The following KLF12 variants were observed in gnomAD, a reference collection of about 807,000 sequenced individuals.
The protein encoded by KLF12 is KLF transcription factor 12, also known as Krueppel-like factor 12.
KLF12 carries 9 observed loss-of-function variants against 37.8 expected under a neutral mutation model. The ratio of observed to expected loss-of-function variants is 0.24; its 90% CI spans 0.14 to 0.42. The LOEUF (loss-of-function observed/expected upper bound fraction) is 0.42. Ranked by LOEUF, KLF12 falls within the 10% of genes least tolerant of loss-of-function variation. The probability of loss-of-function intolerance (pLI) is 1.00; values close to 1 mark genes in which losing one functional copy is unlikely to be tolerated. For synonymous variants in KLF12, 208 were observed against 202.1 expected (o/e 1.03, Z -0.25); for missense variants, 411 against 516.0 (o/e 0.80, Z 1.97).
At chr13:73,709,358 G>A (rs968611625) in intron 7 of KLF12, among the ~76,000 whole-genome samples, 5 of 152,060 alleles carry the variant, frequency 3.3e-5, no homozygotes, top group African/African-American at 9.7e-5. Context: ...CATGGCTCTC[G>A]TAAGTCAACT....
At chr13:73,845,772 A>G (rs1884976899) in intron 4 of KLF12, 55 bp downstream of exon 4, 1 of 1,524,154 alleles carries the variant, frequency 6.6e-7, no homozygotes, top group African/African-American at 1.4e-5. Flanking sequence ...GTTCACTGCA[A>G]AAATGAAGTC....
chr13:73,926,535 G>C (rs558602140), intron 3 of KLF12, among the ~76,000 whole-genome samples: 1 of 151,810 alleles, frequency 6.6e-6, no homozygotes, highest in African/African-American at 2.4e-5. Flanking sequence ...TGCAATATTT[G>C]CTTTATTGTG....
the KLF12 span, among the ~76,000 whole-genome samples, chr13:74,288,741 C>G: frequency 6.6e-6 from 1 of 152,156 alleles, no homozygotes; most frequent in African/African-American, 2.4e-5. Flanking sequence ...GGGATTTTGG[C>G]AGCTACCCAG....
intron 3 of KLF12, among the ~76,000 whole-genome samples, chr13:73,894,688 T>C (rs1887676049): frequency 1.3e-5 from 2 of 152,212 alleles, no homozygotes; most frequent in African/African-American, 2.4e-5. Flanking sequence ...ACACACTGAA[T>C]AGGCTTTTCT....
At chr13:74,125,199 T>TA (rs889095342) in intron 1 of KLF12, among the ~76,000 whole-genome samples, 4 of 151,548 alleles carry the variant, frequency 2.6e-5, no homozygotes, top group Non-Finnish European at 5.9e-5. Flanking sequence ...AGTTTATATT[T>TA]AAAAAACACA....
At chr13:73,871,654 C>T (rs923060302) in intron 3 of KLF12, among the ~76,000 whole-genome samples, 1 of 152,170 alleles carries the variant, frequency 6.6e-6, no homozygotes, top group African/African-American at 2.4e-5. Context: ...ACACAATTTT[C>T]TCCCAACCAC....
chr13:74,137,008 A>T (rs1036820412), upstream of KLF12, among the ~76,000 whole-genome samples: 2 of 152,154 alleles, frequency 1.3e-5, no homozygotes, highest in African/African-American at 4.8e-5. Context: ...GATAACGGAG[A>T]TCACTAGAGG....
intron 5 of KLF12, among the ~76,000 whole-genome samples, chr13:73,797,350 A>T (rs1233705958): frequency 6.6e-6 from 1 of 152,176 alleles, no homozygotes; most frequent in African/African-American, 2.4e-5. Context: ...TCAAAGGCAT[A>T]GCCATTCCTT....
the KLF12 span, among the ~76,000 whole-genome samples, chr13:74,154,720 G>A: frequency 1.3e-5 from 2 of 152,174 alleles, no homozygotes; most frequent in Admixed American, 6.5e-5. Context: ...CCATCACTGG[G>A]CCATGACAGA....
chr13:74,303,328 T>C, the KLF12 span, among the ~76,000 whole-genome samples: 1 of 152,160 alleles, frequency 6.6e-6, no homozygotes, highest in Non-Finnish European at 1.5e-5. Flanking sequence ...TGAATTCCTG[T>C]CTTTCCTATT....
intron 4 of KLF12, among the ~76,000 whole-genome samples, chr13:73,818,554 C>T (rs920534522): frequency 2.0e-5 from 3 of 152,268 alleles, no homozygotes; most frequent in Non-Finnish European, 4.4e-5. Context: ...ACCAAACACT[C>T]TTCTAACTTC....
intron 1 of KLF12, among the ~76,000 whole-genome samples, chr13:74,115,337 A>G (rs1220327043): frequency 8.5e-5 from 13 of 152,154 alleles, no homozygotes; most frequent in Admixed American, 7.9e-4. Context: ...CTGATGACTA[A>G]CAACAGAAAT....
rs529523438 is a variant in KLF12 at position 73,742,701 on chromosome 13, A to T, written c.869+22237T>A. Among the ~76,000 whole-genome samples, 6 of 152,282 alleles carry T rather than the reference A, an allele frequency of 3.9e-5. No individual in the cohort carries two copies. The South Asian group carries it at 8.3e-4, about 21-fold the overall frequency. ...CCCATTTTACAGATGAGTAAAATAG[A>T]GTTTAGGCAGATTAAGTAGATTAAG... On this transcript the variant is annotated intron_variant, in intron 6 of 7. Coordinates refer to ENST00000377669, the MANE Select transcript of KLF12 (RefSeq NM_007249.5).
chr13:73,765,857 G>T (rs1176806630), intron 5 of KLF12, among the ~76,000 whole-genome samples: 1 of 152,050 alleles, frequency 6.6e-6, no homozygotes. Context: ...CACCCTTTAT[G>T]CTTCATACAT....
the KLF12 span, among the ~76,000 whole-genome samples, chr13:74,202,397 G>T: frequency 1.3e-5 from 2 of 152,098 alleles, no homozygotes; most frequent in African/African-American, 4.8e-5. Flanking sequence ...CCATAAACCT[G>T]CAAACAAACT....
At chr13:74,287,144 CCT>C in the KLF12 span, among the ~76,000 whole-genome samples, 1 of 152,138 alleles carries the variant, frequency 6.6e-6, no homozygotes, top group African/African-American at 2.4e-5. Context: ...TTTCCATCAG[CCT>C]ACCTCTTCCT....
intron 1 of KLF12, among the ~76,000 whole-genome samples, chr13:74,061,381 A>G (rs1230275693): frequency 9.2e-5 from 14 of 152,206 alleles, no homozygotes; most frequent in Admixed American, 9.2e-4. Flanking sequence ...AGAAACTTCT[A>G]AGTTCCAAAG....
At chr13:73,995,197 T>G in intron 1 of KLF12, 144 bp from the exon 2 acceptor site, 3 of 602,908 alleles carry the variant, frequency 5.0e-6, no homozygotes, top group African/African-American at 1.9e-5. Context: ...TCTTCAGCTA[T>G]GTGTTGTTGG....
intron 1 of KLF12, among the ~76,000 whole-genome samples, chr13:74,119,429 A>G (rs552353283): frequency 6.6e-5 from 10 of 152,310 alleles, no homozygotes; most frequent in African/African-American, 2.2e-4. Flanking sequence ...GATAGCAGAG[A>G]TACTGAAACT....
Sources: gnomAD v4.1 joint callset for allele counts (sites outside exome capture counted in the v4.1 genomes callset) on GRCh38, gnomAD v4.1.1 for gene constraint, MANE v1.5 for transcripts, NCBI Gene and HGNC (gene_info 2026-07-23, HGNC 2026-07-21) for gene names.